Variants in PDE2A observed in about 807,000 individuals in gnomAD.
PDE2A encodes cGMP-dependent 3',5'-cyclic phosphodiesterase.
In PDE2A, 53 loss-of-function variants were observed where a neutral mutation model predicts 133.6. That is an observed-to-expected ratio of 0.40 (90% confidence interval 0.32 to 0.50). The LOEUF (loss-of-function observed/expected upper bound fraction) is 0.50, where lower values mean the gene tolerates loss of function less well. Ranked by LOEUF, PDE2A falls within the 20% of genes least tolerant of loss-of-function variation. PDE2A has a pLI of 0.73. For missense variants in PDE2A, 796 were observed against 1,232.4 expected (o/e 0.65, Z 5.30); for synonymous variants, 491 against 490.2 (o/e 1.00, Z -0.02).
chr11:72,600,439 C>T (rs1371831757), intron 4 of PDE2A, among the ~76,000 whole-genome samples: 2 of 152,164 alleles, frequency 1.3e-5, no homozygotes, highest in Non-Finnish European at 2.9e-5. Flanking sequence ...AGCCTGCCCT[C>T]CCCCGGCTTT....
rs1359888949 is a variant in PDE2A at position 72,588,776 on chromosome 11, A to G, written c.1070+8T>C. On this transcript the variant is annotated splice_region_variant and intron_variant, in intron 13 of 30. Transcript: ENST00000334456. ...TCTCCTGATCTGCATCATCCCACAA[A>G]GACTCACAAGTCTCCTTCTAGCTTG... The G allele has an allele frequency of 1.3e-6, 2 of 1,588,132 alleles. No homozygotes were observed.
chr11:72,663,809 C>A (rs1264228424), intron 1 of PDE2A, among the ~76,000 whole-genome samples: 2 of 152,012 alleles, frequency 1.3e-5, no homozygotes, highest in African/African-American at 4.8e-5. Flanking sequence ...TGGCTTCTGA[C>A]TCCAATTCTG....
chr11:72,637,824 G>C (rs1178892186), intron 2 of PDE2A, among the ~76,000 whole-genome samples: 1 of 152,246 alleles, frequency 6.6e-6, no homozygotes, highest in African/African-American at 2.4e-5. Context: ...GTTGGAGAAA[G>C]TGGTGAGGGA....
In PDE2A at chr11:72,579,267, G is replaced by C; in HGVS notation, c.2356+17C>G. The C allele has an allele frequency of 1.3e-6, 2 of 1,574,450 alleles. No homozygotes were observed. The highest frequency in any genetic ancestry group is 1.7e-4 in the Middle Eastern group (1 of 6,010). On this transcript the variant is annotated intron_variant, in intron 27 of 30. Transcript: ENST00000334456. ...TGTTCCTCCCCAGCCCCAAGGACTG[G>C]GGCTAACAGCAGTCACCCTCAGCCA... is the stretch of plus-strand genomic sequence containing the variant.
At chr11:72,661,411 T>G (rs897261882) in intron 1 of PDE2A, among the ~76,000 whole-genome samples, 1 of 152,064 alleles carries the variant, frequency 6.6e-6, no homozygotes, top group East Asian at 1.9e-4. Flanking sequence ...TCTGTCCAGT[T>G]TTTTGGGGGG....
At chr11:72,630,995 G>T in intron 2 of PDE2A, 1 of 1,151,386 alleles carries the variant, frequency 8.7e-7, no homozygotes, top group South Asian at 1.3e-5. Context: ...TCCTCCCAAG[G>T]GGGAGGGCAC....
At chr11:72,654,908 T>C (rs985016738) in intron 1 of PDE2A, among the ~76,000 whole-genome samples, 2 of 140,938 alleles carry the variant, frequency 1.4e-5, no homozygotes, top group Non-Finnish European at 3.1e-5. Context: ...CCAACCACCA[T>C]AGGGTGACTC....
At chr11:72,613,308 G>A (rs1241307148) in intron 2 of PDE2A, among the ~76,000 whole-genome samples, 1 of 151,862 alleles carries the variant, frequency 6.6e-6, no homozygotes, top group African/African-American at 2.4e-5. Flanking sequence ...GTGCTCTTGG[G>A]ACTGTCCGTT....
At position 72,627,384 on chromosome 11, in the gene PDE2A, G is replaced by A. The variant is rs148565134; in HGVS notation, c.144+14870C>T. 1.1e-3 allele frequency among the ~76,000 whole-genome samples: 162 copies of A among 152,318 alleles called. 1 individual carries two copies. The highest frequency in any genetic ancestry group is 3.5e-3 in the African/African-American group (147 of 41,566). On this transcript the variant is annotated intron_variant, in intron 2 of 30. Coordinates refer to ENST00000334456, the MANE Select transcript of PDE2A (RefSeq NM_002599.5). ...CCCAGGGAAGGGAGGAGACTGGCTCGGCCTGAGGTAGAGGGACCAGTCTGA... is the reference window on the plus strand; with the variant it reads ...CCCAGGGAAGGGAGGAGACTGGCTCAGCCTGAGGTAGAGGGACCAGTCTGA...
chr11:72,663,980 G>T (rs1855153322), intron 1 of PDE2A, among the ~76,000 whole-genome samples: 1 of 152,186 alleles, frequency 6.6e-6, no homozygotes, highest in Non-Finnish European at 1.5e-5. Flanking sequence ...GGGCTCCCTT[G>T]CCCCCTGGCA....
At chr11:72,623,227 A>G (rs1857867332) in intron 2 of PDE2A, among the ~76,000 whole-genome samples, 1 of 152,046 alleles carries the variant, frequency 6.6e-6, no homozygotes, top group Non-Finnish European at 1.5e-5. Flanking sequence ...GCACAGCACA[A>G]TCTTCCGGTT....
intron 2 of PDE2A, chr11:72,630,983 C>T (rs555487581): frequency 3.4e-5 from 34 of 1,005,830 alleles, no homozygotes; most frequent in Admixed American, 2.9e-4. Context: ...CCAGCCTCCC[C>T]GTCCTCCCAA....
intron 2 of PDE2A, chr11:72,621,715 T>C (rs1361350463): frequency 1.3e-5 from 2 of 152,312 alleles, no homozygotes; most frequent in Non-Finnish European, 2.9e-5. Flanking sequence ...TCTGTGTCAC[T>C]GTTACATTTC....
At chr11:72,589,658 G>A (rs1856143463) in intron 11 of PDE2A, 93 bp downstream of exon 11, 5 of 1,072,792 alleles carry the variant, frequency 4.7e-6, no homozygotes, top group Non-Finnish European at 7.1e-6. Context: ...CAAGAGTCTA[G>A]AAGATCCAAA....
intron 2 of PDE2A, among the ~76,000 whole-genome samples, chr11:72,634,118 G>A (rs915417390): frequency 4.6e-5 from 7 of 152,202 alleles, no homozygotes; most frequent in African/African-American, 1.4e-4. Context: ...GAGACCTCAC[G>A]GGGATGGGGA....
intron 1 of PDE2A, chr11:72,649,279 A>G (rs1854653469): frequency 6.6e-6 from 1 of 152,284 alleles, no homozygotes; most frequent in African/African-American, 2.4e-5. Flanking sequence ...ACCCAGAAGA[A>G]TTGCTCAAAA....
intron 2 of PDE2A, among the ~76,000 whole-genome samples, chr11:72,619,749 C>A (rs1354209823): frequency 1.3e-5 from 2 of 152,130 alleles, no homozygotes; most frequent in Non-Finnish European, 2.9e-5. Context: ...GGGTCTAATT[C>A]TCCTCCTCTG....
In PDE2A at chr11:72,597,163, C is replaced by T. The variant is rs1856526655; in HGVS notation, c.433+347G>A. 6.6e-6 allele frequency among the ~76,000 whole-genome samples: 1 copy of T among 152,180 alleles called. No homozygotes were observed. The highest frequency in any genetic ancestry group is 1.9e-4 in the East Asian group (1 of 5,190). Reference sequence around the variant, plus strand: ...AGTGACAGAGAGAATGTGAGAACAACTACAGCCCCATCCAGCATCAGGCAC... The same window carrying T: ...AGTGACAGAGAGAATGTGAGAACAATTACAGCCCCATCCAGCATCAGGCAC... On this transcript the variant is annotated intron_variant, in intron 5 of 30. Coordinates refer to ENST00000334456, the MANE Select transcript of PDE2A (RefSeq NM_002599.5). This position sits in a 1 kb window ranked among gnomAD's most constrained non-coding sequence, Gnocchi z 4.6.
intron 2 of PDE2A, among the ~76,000 whole-genome samples, chr11:72,629,219 C>T (rs539175390): frequency 3.3e-5 from 5 of 152,278 alleles, no homozygotes; most frequent in Admixed American, 1.3e-4. Flanking sequence ...AGGACGAGGC[C>T]GGTGGAGCTG....
Sources: gnomAD v4.1 joint callset for allele counts (sites outside exome capture counted in the v4.1 genomes callset) on GRCh38, gnomAD v4.1.1 for gene constraint, Gnocchi (gnomAD v3.1) non-coding constraint, MANE v1.5 for transcripts, NCBI Gene and HGNC (gene_info 2026-07-23, HGNC 2026-07-21) for gene names.